Variants in IFT80 observed in about 807,000 individuals in gnomAD.
The protein encoded by IFT80 is intraflagellar transport protein 80 homolog.
A neutral mutation model predicts 107.9 loss-of-function variants in IFT80; 79 were observed. The observed-to-expected ratio is 0.73, with a 90% CI of 0.61 to 0.88. The LOEUF is 0.88. Among genes scored for constraint, IFT80 ranks in the 40% least tolerant of loss-of-function variants. IFT80 has a pLI of 0.00. For synonymous variants in IFT80, 299 were observed against 300.9 expected, an observed-to-expected ratio of 0.99 and a Z score of 0.07; for missense variants, 797 against 914.2, an observed-to-expected ratio of 0.87 and a Z score of 1.65.
In IFT80 at chr3:160,311,409, G is replaced by A. The variant is rs189406558; in HGVS notation, c.958-3628C>T. 3.5e-4 allele frequency among the ~76,000 whole-genome samples: 54 copies of A among 152,290 alleles called. No homozygotes were observed. In the South Asian group the frequency reaches 5.6e-3, roughly 16 times the overall value. On this transcript the variant is annotated intron_variant, in intron 9 of 19. Transcript: ENST00000326448. ...ATGTGATCTGTTACTGTAGAAAGAC[G>A]TTAGGAAAAGACTGGGGAAATGCGA...
chr3:160,351,715 A>G lies in IFT80; in HGVS notation c.777+4298T>C, dbSNP rs1720721242. ...ACTCATAAAAATCTAAATATTAAGT[A>G]ACATAAAAATCTAAATGATAACTGT... On this transcript the variant is annotated intron_variant, in intron 8 of 19. Coordinates refer to ENST00000326448, the MANE Select transcript of IFT80 (RefSeq NM_020800.3). Among the ~76,000 whole-genome samples, 11 of 141,202 alleles carry G rather than the reference A, an allele frequency of 7.8e-5. 1 individual carries two copies. Among genetic ancestry groups the G allele is most frequent in the Admixed American group, 7.5e-4 (11 of 14,586 alleles). 92.6% of individuals were successfully genotyped at this position (141,202 alleles called of 152,430 possible).
At chr3:160,386,558 G>A (rs1442875240) in intron 1 of IFT80, among the ~76,000 whole-genome samples, 9 of 152,184 alleles carry the variant, frequency 5.9e-5, no homozygotes, top group Non-Finnish European at 2.9e-5. Context: ...TTGGTCCAGT[G>A]TGGGTCAACA....
At chr3:160,279,039 A>G (rs1425816002) in intron 16 of IFT80, among the ~76,000 whole-genome samples, 154 bp downstream of exon 16, 1 of 152,202 alleles carries the variant, frequency 6.6e-6, no homozygotes. Context: ...AGCAACATGT[A>G]TTCCTCTGTA....
intron 2 of IFT80, 171 bp downstream of exon 2, chr3:160,384,393 G>C: frequency 2.4e-6 from 3 of 1,271,600 alleles, no homozygotes; most frequent in South Asian, 2.6e-5. Context: ...GTTCACTTTG[G>C]AGAATTACTT....
chr3:160,348,384 G>A (rs993785705), intron 8 of IFT80, among the ~76,000 whole-genome samples: 1 of 152,086 alleles, frequency 6.6e-6, no homozygotes, highest in Non-Finnish European at 1.5e-5. Context: ...GATATGTAAG[G>A]AATAACAATA....
chr3:160,357,637 T>A, intron 6 of IFT80, 59 bp from the exon 7 acceptor site: 1 of 1,114,690 alleles, frequency 9.0e-7, no homozygotes, highest in Non-Finnish European at 1.4e-6. Flanking sequence ...AGTTTTTTTC[T>A]GTAAGAAATA....
At chr3:160,388,340 C>T (rs955258999) in intron 1 of IFT80, among the ~76,000 whole-genome samples, 1 of 150,924 alleles carries the variant, frequency 6.6e-6, no homozygotes, top group Non-Finnish European at 1.5e-5. Flanking sequence ...TGCATCAATA[C>T]ACCACCATTA....
intron 8 of IFT80, among the ~76,000 whole-genome samples, chr3:160,347,002 A>T (rs1720340001): frequency 6.6e-6 from 1 of 152,112 alleles, no homozygotes; most frequent in African/African-American, 2.4e-5. Context: ...ACTCTGAGAG[A>T]TTTCTAAGGC....
In IFT80 at chr3:160,300,952, T is replaced by C. The variant is rs1244424042; in HGVS notation, c.1246A>G (p.Ile416Val). The C allele has an allele frequency of 6.2e-7, 1 of 1,611,616 alleles. No homozygotes were observed. The highest frequency in any genetic ancestry group is 1.7e-5 in the Admixed American group (1 of 59,882). Residue 416 changes from isoleucine (I) to valine (V), a missense_variant, in exon 12 of 20, where the codon ATT (isoleucine) becomes GTT (valine). Transcript: ENST00000326448. ...SPKFPGMRTD[I>V]LNAQTVSLSN... ...AAAGACACAGTCTGTGCATTCAGAATATCTGTTCTCATTCCAGGAAATTTT... is the reference window on the plus strand; with the variant it reads ...AAAGACACAGTCTGTGCATTCAGAACATCTGTTCTCATTCCAGGAAATTTT...
At chr3:160,315,088 G>GGAGT (rs1576797133) in intron 9 of IFT80, among the ~76,000 whole-genome samples, 1 of 122,456 alleles carries the variant, frequency 8.2e-6, no homozygotes, top group East Asian at 2.5e-4. Context: ...AGGGAGGGAG[G>GGAGT]GAAAAAGAGA....
At chr3:160,325,592 C>A (rs534124052) in intron 8 of IFT80, among the ~76,000 whole-genome samples, 1 of 152,110 alleles carries the variant, frequency 6.6e-6, no homozygotes, top group South Asian at 2.1e-4. Flanking sequence ...GATTGAGTAT[C>A]CTTTACCTGA....
At chr3:160,299,723 T>A (rs1716265462) in intron 12 of IFT80, among the ~76,000 whole-genome samples, 1 of 152,090 alleles carries the variant, frequency 6.6e-6, no homozygotes, top group Non-Finnish European at 1.5e-5. Context: ...TCCCAACCTC[T>A]CTCCCGAGCC....
chr3:160,345,525 TA>T (rs979609895), intron 8 of IFT80, among the ~76,000 whole-genome samples: 3 of 151,334 alleles, frequency 2.0e-5, no homozygotes, highest in African/African-American at 7.3e-5. Context: ...CAGTCTCTAC[TA>T]AAAAAAACAC....
intron 3 of IFT80, among the ~76,000 whole-genome samples, chr3:160,380,676 A>C (rs1365375366): frequency 3.9e-5 from 6 of 151,976 alleles, no homozygotes; most frequent in African/African-American, 1.5e-4. Flanking sequence ...ATTTCTAAGA[A>C]AACAAATATA....
chr3:160,266,355 C>G (rs971176222), intron 19 of IFT80, among the ~76,000 whole-genome samples: 30 of 135,646 alleles, frequency 2.2e-4, no homozygotes, highest in African/African-American at 8.0e-4. Flanking sequence ...CCCCTTCTTT[C>G]CTTCCTTCCT....
At chr3:160,262,634 G>A (rs1712947093) in intron 19 of IFT80, among the ~76,000 whole-genome samples, 1 of 152,136 alleles carries the variant, frequency 6.6e-6, no homozygotes, top group Admixed American at 6.6e-5. Context: ...CACGGAGTAA[G>A]GTTTTTTGGT....
At chr3:160,291,137 C>T (rs1026328989) in intron 12 of IFT80, among the ~76,000 whole-genome samples, 5 of 152,096 alleles carry the variant, frequency 3.3e-5, no homozygotes, top group South Asian at 2.1e-4. Flanking sequence ...AACTTACAGG[C>T]GAAAGCCTAT....
At chr3:160,383,819 G>A (rs563499102) in intron 2 of IFT80, 6 of 985,390 alleles carry the variant, frequency 6.1e-6, no homozygotes, top group African/African-American at 1.7e-5. Context: ...CTTCCCATGT[G>A]AAATAATGAG....
chr3:160,285,109 C>A (rs1037259507), intron 13 of IFT80, among the ~76,000 whole-genome samples: 1 of 151,846 alleles, frequency 6.6e-6, no homozygotes, highest in East Asian at 1.9e-4. Context: ...GGGTCTGAGG[C>A]GAGTGGATTG....
Sources: gnomAD v4.1 joint callset for allele counts (sites outside exome capture counted in the v4.1 genomes callset) on GRCh38, gnomAD v4.1.1 for gene constraint, MANE v1.5 for transcripts, NCBI Gene and HGNC (gene_info 2026-07-23, HGNC 2026-07-21) for gene names.